The following RIF1 variants were observed in gnomAD, a reference collection of about 807,000 sequenced individuals.
RIF1 encodes telomere-associated protein RIF1.
In RIF1, 45 loss-of-function variants were observed where a neutral mutation model predicts 247.1. The observed-to-expected ratio is 0.18, with a 90% CI of 0.14 to 0.23. The LOEUF (loss-of-function observed/expected upper bound fraction) is 0.23, where lower values mean the gene tolerates loss of function less well. Among genes scored for constraint, RIF1 ranks in the 10% least tolerant of loss-of-function variants. The probability of loss-of-function intolerance (pLI) is 1.00; values close to 1 mark genes in which losing one functional copy is unlikely to be tolerated. For synonymous variants in RIF1, 1,087 were observed against 978.8 expected (o/e 1.11, Z -2.06); for missense variants, 2,967 against 2,862.5 (o/e 1.04, Z -0.83).
At position 151,475,255 on chromosome 2, in the gene RIF1, C is replaced by CTTTT; in HGVS notation, c.*191_*194dup. 1.8e-5 allele frequency: 9 copies of CTTTT among 490,120 alleles called. No homozygotes were observed. The highest frequency in any genetic ancestry group is 5.6e-4 in the Middle Eastern group (1 of 1,780). The allele number at this position is 490,120 out of a possible 1,614,324, so 30.4% of individuals were successfully genotyped here. A position where few individuals can be genotyped will look rare whatever the true frequency, so the allele number is the denominator to read the frequency against. On this transcript the variant is annotated 3_prime_UTR_variant, in exon 36 of 36. Transcript: ENST00000444746. ...TTTTGTAAGTTCATTATGTAAGATC[C>CTTTT]TTTTTTTTTTCATAATATGTATTCT...
chr2:151,466,369 C>A (rs1325296182), intron 30 of RIF1, among the ~76,000 whole-genome samples: 2 of 152,146 alleles, frequency 1.3e-5, no homozygotes, highest in African/African-American at 2.4e-5. Flanking sequence ...CATTGTTCAC[C>A]TTTGGCAAAA....
At chr2:151,450,681 T>G (rs1380051603) in intron 20 of RIF1, among the ~76,000 whole-genome samples, 1 of 152,062 alleles carries the variant, frequency 6.6e-6, no homozygotes, top group Non-Finnish European at 1.5e-5. Flanking sequence ...CCTCCCGGGT[T>G]CAAGCAGTTC....
chr2:151,525,310 A>C, the RIF1 span: 2 of 1,425,614 alleles, frequency 1.4e-6, no homozygotes, highest in Non-Finnish European at 2.0e-6. Context: ...GAGTAGAGGA[A>C]GCTGGGAACA....
chr2:151,453,839 G>A (rs754703746), intron 21 of RIF1, among the ~76,000 whole-genome samples: 1 of 152,134 alleles, frequency 6.6e-6, no homozygotes, highest in Non-Finnish European at 1.5e-5. Flanking sequence ...ATTATTGCTT[G>A]TTTCTCTAGA....
At chr2:151,499,537 C>G (rs2062847484) in exon 11 of RIF1, 1 of 553,002 alleles carries the variant, frequency 1.8e-6, no homozygotes, top group Non-Finnish European at 3.2e-6. Context: ...AGGCACAGAT[C>G]TGGGTGAGAA....
chr2:151,502,789 A>G lies in RIF1; in HGVS notation c.*710-245A>G, dbSNP rs768465696. 25 of 1,572,994 alleles carry G rather than the reference A, an allele frequency of 1.6e-5. No homozygotes were observed. The highest frequency in any genetic ancestry group is 1.5e-4 in the Admixed American group (9 of 59,658). On this transcript the variant is annotated intron_variant and NMD_transcript_variant, in intron 11 of 13. Transcript: ENST00000454583. The stretch of plus-strand genomic sequence containing the variant: ...TTTTTTTTTTTTGGCCCCCTAAGAA[A>G]TACCGAGCTAAAGTTCTCTTGATTG...
At chr2:151,503,584 C>T (rs2066428020) in intron 12 of RIF1, 2 of 551,974 alleles carry the variant, frequency 3.6e-6, no homozygotes, top group African/African-American at 3.9e-5. Flanking sequence ...GGGGAAAATT[C>T]CATGAATATT....
At chr2:151,435,774 T>G (rs1007044993) in intron 11 of RIF1, among the ~76,000 whole-genome samples, 194 bp downstream of exon 11, 9 of 151,932 alleles carry the variant, frequency 5.9e-5, no homozygotes, top group Admixed American at 6.6e-5. Context: ...TTTGTTTTTT[T>G]TTTTTAATAT....
chr2:151,490,590 G>A, intron 9 of RIF1: 1 of 1,517,842 alleles, frequency 6.6e-7, no homozygotes, highest in Non-Finnish European at 9.0e-7. Context: ...AACAGTGATT[G>A]AATCTCAGTT....
At chr2:151,501,135 A>C (rs2064149593) in intron 11 of RIF1, among the ~76,000 whole-genome samples, 1 of 152,186 alleles carries the variant, frequency 6.6e-6, no homozygotes, top group African/African-American at 2.4e-5. Flanking sequence ...GAAATCAATT[A>C]ACTTCAACAG....
intron 26 of RIF1, among the ~76,000 whole-genome samples, chr2:151,460,757 A>C (rs1000755996): frequency 2.0e-5 from 3 of 152,232 alleles, no homozygotes; most frequent in African/African-American, 7.2e-5. Flanking sequence ...TGTAGTACCA[A>C]AGTTACTTGT....
rs1399041354 is a variant in RIF1 at position 151,443,252 on chromosome 2, C to T, written c.1735-7C>T. 3.2e-6 allele frequency: 5 copies of T among 1,542,358 alleles called. No homozygotes were observed. The African/African-American group carries it at 5.5e-5, about 17-fold the overall frequency. On this transcript the variant is annotated splice_polypyrimidine_tract_variant and splice_region_variant and intron_variant, in intron 16 of 35. Coordinates refer to ENST00000444746, the MANE Select transcript of RIF1 (RefSeq NM_018151.5). Reference sequence around the variant, plus strand: ...ACTGAGAAGATTGACTTCATTTTCTCCTTCAGGGAACTCCAGCTTTGTTCT... The same window carrying T: ...ACTGAGAAGATTGACTTCATTTTCTTCTTCAGGGAACTCCAGCTTTGTTCT...
chr2:151,488,998 A>G (rs76787276), intron 9 of RIF1, among the ~76,000 whole-genome samples: 1,580 of 152,250 alleles, frequency 0.01, 25 homozygotes, highest in African/African-American at 0.036. Context: ...TATCATTTTC[A>G]AATTTTACTT....
chr2:151,465,725 G>C lies in RIF1; in HGVS notation c.6205G>C (p.Asp2069His), dbSNP rs905849821. Residue 2069 changes from aspartate (D) to histidine (H), a missense_variant, in exon 30 of 36, where the codon GAC becomes CAC. By Grantham distance (81) the Asp-to-His change is moderately conservative. Transcript: ENST00000444746. Reference protein sequence around the residue: ...LTAEMDNFVCDTVEMSTEEGI... With the variant: ...LTAEMDNFVCHTVEMSTEEGI... ...TGCAGAAATGGACAACTTTGTTTGT[G>C]ACACAGTTGAAATGAGCACTGAAGA... is the stretch of plus-strand genomic sequence containing the variant. 1.2e-6 allele frequency: 2 copies of C among 1,614,096 alleles called. No homozygotes were observed. Among genetic ancestry groups the C allele is most frequent in the African/African-American group, 1.3e-5 (1 of 75,048 alleles).
intron 10 of RIF1, chr2:151,498,464 G>T: frequency 2.9e-6 from 2 of 696,614 alleles, no homozygotes; most frequent in Non-Finnish European, 2.4e-6. Context: ...TAGAGGAAGA[G>T]AAATACCAGA....
the RIF1 span, chr2:151,524,366 A>G: frequency 1.2e-6 from 2 of 1,613,984 alleles, no homozygotes. Context: ...GCGACCGAGC[A>G]TGCTTAAGCC....
chr2:151,533,380 T>C, the RIF1 span: 9 of 1,080,670 alleles, frequency 8.3e-6, no homozygotes, highest in South Asian at 1.1e-4. Flanking sequence ...AATGAAAGCA[T>C]ACAAGGGAAT....
intron 10 of RIF1, among the ~76,000 whole-genome samples, chr2:151,499,126 A>AATG (rs140146338): frequency 1.3e-5 from 2 of 152,300 alleles, no homozygotes; most frequent in East Asian, 3.9e-4. Context: ...TGATTATATT[A>AATG]ATGTTTTACC....
intron 10 of RIF1, chr2:151,497,633 A>ATAT: frequency 6.4e-7 from 1 of 1,574,438 alleles, no homozygotes; most frequent in Non-Finnish European, 8.6e-7. Context: ...TACCGAGCTA[A>ATAT]TATTTTCTTG....
Sources: allele counts gnomAD v4.1 joint callset (sites outside exome capture counted in the v4.1 genomes callset), GRCh38; gene constraint gnomAD v4.1.1; transcripts MANE v1.5; gene names NCBI Gene and HGNC (gene_info 2026-07-23, HGNC 2026-07-21).